Variants in TASP1 observed in about 807,000 individuals in gnomAD.
TASP1 encodes threonine aspartase 1.
In TASP1, 16 loss-of-function variants were observed where a neutral mutation model predicts 56.6. That is an observed-to-expected ratio of 0.28 (90% CI 0.19 to 0.43). The LOEUF (loss-of-function observed/expected upper bound fraction) is 0.43, where lower values mean the gene tolerates loss of function less well. TASP1 is among the 20% of genes least tolerant of loss of function. TASP1 has a pLI of 1.00. For missense variants in TASP1, 393 were observed against 511.6 expected (o/e 0.77, Z 2.24); for synonymous variants, 179 against 184.2 (o/e 0.97, Z 0.23).
chr20:13,109,177 G>A, the TASP1 span, among the ~76,000 whole-genome samples: 1 of 152,160 alleles, frequency 6.6e-6, no homozygotes, highest in Non-Finnish European at 1.5e-5. Flanking sequence ...ATCAACCTCT[G>A]ATAGCAGATA....
intron 4 of TASP1, among the ~76,000 whole-genome samples, chr20:13,621,040 C>T (rs1437545257): frequency 6.6e-6 from 1 of 152,144 alleles, no homozygotes; most frequent in Non-Finnish European, 1.5e-5. Context: ...GTAAGCTTAA[C>T]CTTAAACTAT....
chr20:13,128,695 T>C, the TASP1 span, among the ~76,000 whole-genome samples: 2 of 151,844 alleles, frequency 1.3e-5, no homozygotes, highest in Non-Finnish European at 2.9e-5. Flanking sequence ...GTTTTTTGGG[T>C]TTTTTTAAAA....
At chr20:13,234,679 T>G in the TASP1 span, among the ~76,000 whole-genome samples, 1 of 152,248 alleles carries the variant, frequency 6.6e-6, no homozygotes, top group Non-Finnish European at 1.5e-5. Context: ...TCATTGTGGT[T>G]TTAATTTTTA....
the TASP1 span, among the ~76,000 whole-genome samples, chr20:13,363,667 G>T: frequency 6.6e-6 from 1 of 152,226 alleles, no homozygotes; most frequent in Non-Finnish European, 1.5e-5. Flanking sequence ...GGAAGGGTTT[G>T]TGGAACTGAG....
the TASP1 span, among the ~76,000 whole-genome samples, chr20:13,365,729 G>A: frequency 1.1e-4 from 17 of 152,190 alleles, no homozygotes; most frequent in Non-Finnish European, 2.2e-4. Flanking sequence ...GATCTTGTAG[G>A]GTATGGTAAG....
At chr20:13,450,842 C>G (rs1301692391) in intron 11 of TASP1, among the ~76,000 whole-genome samples, 2 of 151,964 alleles carry the variant, frequency 1.3e-5, no homozygotes, top group African/African-American at 4.8e-5. Flanking sequence ...TTTACTTGAC[C>G]CAGATTTCAA....
intron 12 of TASP1, among the ~76,000 whole-genome samples, chr20:13,417,760 A>C (rs918275072): frequency 1.5e-4 from 23 of 152,202 alleles, no homozygotes; most frequent in African/African-American, 5.5e-4. Context: ...ATGTAAAATA[A>C]ATGCTCTTCT....
intron 10 of TASP1, among the ~76,000 whole-genome samples, chr20:13,525,029 A>G (rs1051297969): frequency 3.3e-5 from 5 of 152,198 alleles, no homozygotes; most frequent in Non-Finnish European, 4.4e-5. Flanking sequence ...CCCTAATTCT[A>G]TATTTTCCTG....
intron 7 of TASP1, among the ~76,000 whole-genome samples, chr20:13,567,705 A>G (rs891685434): frequency 6.6e-6 from 1 of 152,148 alleles, no homozygotes; most frequent in Non-Finnish European, 1.5e-5. Context: ...CCAGATGATA[A>G]GAGAACAATT....
At chr20:13,622,745 T>C (rs1159740515) in intron 4 of TASP1, among the ~76,000 whole-genome samples, 1 of 152,156 alleles carries the variant, frequency 6.6e-6, no homozygotes, top group Non-Finnish European at 1.5e-5. Context: ...TAAGTAGTAT[T>C]CTCAACCAGA....
intron 8 of TASP1, among the ~76,000 whole-genome samples, chr20:13,549,452 G>A (rs1032218070): frequency 6.6e-6 from 1 of 151,766 alleles, no homozygotes; most frequent in African/African-American, 2.4e-5. Flanking sequence ...GTGTGTGTGT[G>A]TACACACACA....
At chr20:13,115,629 C>T in the TASP1 span, among the ~76,000 whole-genome samples, 1 of 152,116 alleles carries the variant, frequency 6.6e-6, no homozygotes, top group Admixed American at 6.6e-5. Context: ...TTATGTATGA[C>T]ATCCAGCATG....
At chr20:13,614,741 T>C in intron 4 of TASP1, 2 of 460,926 alleles carry the variant, frequency 4.3e-6, no homozygotes, top group Non-Finnish European at 9.0e-6. Context: ...AACACAAATC[T>C]CTAAAATAGA....
chr20:13,245,667 A>G, the TASP1 span, among the ~76,000 whole-genome samples: 1 of 152,146 alleles, frequency 6.6e-6, no homozygotes, highest in Non-Finnish European at 1.5e-5. Flanking sequence ...TTACTTTTCC[A>G]GATTTCCTTA....
At chr20:13,361,229 C>T in the TASP1 span, among the ~76,000 whole-genome samples, 1 of 152,142 alleles carries the variant, frequency 6.6e-6, no homozygotes, top group East Asian at 1.9e-4. Flanking sequence ...TCTAGGTAGA[C>T]GCTTTTCACT....
the TASP1 span, among the ~76,000 whole-genome samples, chr20:13,374,776 T>C: frequency 6.6e-6 from 1 of 152,222 alleles, no homozygotes; most frequent in African/African-American, 2.4e-5. Flanking sequence ...TTTGGTGACT[T>C]AGCTAGTCCA....
chr20:13,605,216 T>G (rs933216144), intron 4 of TASP1, among the ~76,000 whole-genome samples: 1 of 151,808 alleles, frequency 6.6e-6, no homozygotes. Context: ...TGAGGGAAAT[T>G]TGAGAGTAAT....
the TASP1 span, among the ~76,000 whole-genome samples, chr20:13,204,345 CT>C: frequency 6.6e-6 from 1 of 152,122 alleles, no homozygotes; most frequent in African/African-American, 2.4e-5. Context: ...CAATTTTCCT[CT>C]GCCATTTCCG....
At chr20:13,309,360 C>CA in the TASP1 span, among the ~76,000 whole-genome samples, 1 of 150,926 alleles carries the variant, frequency 6.6e-6, no homozygotes, top group Non-Finnish European at 1.5e-5. Flanking sequence ...GAGTATTTGA[C>CA]AAAATTGAAT....
Sources: gnomAD v4.1 joint callset for allele counts (sites outside exome capture counted in the v4.1 genomes callset) on GRCh38, gnomAD v4.1.1 for gene constraint, MANE v1.5 for transcripts, NCBI Gene and HGNC (gene_info 2026-07-23, HGNC 2026-07-21) for gene names.